The following RPH3A variants were observed in gnomAD, a reference collection of about 807,000 sequenced individuals.
The protein encoded by RPH3A is rabphilin-3A.
Under a neutral mutation model 102.2 loss-of-function variants are expected in RPH3A, and 48 were observed. That is an observed-to-expected ratio of 0.47 (90% CI 0.37 to 0.60). The LOEUF (loss-of-function observed/expected upper bound fraction) is 0.60. Ranked by LOEUF, RPH3A falls within the 20% of genes least tolerant of loss-of-function variation. The pLI, the probability that RPH3A is intolerant of heterozygous loss-of-function variation, is 0.00. For missense variants in RPH3A, 781 were observed against 910.1 expected (o/e 0.86, Z 1.83); for synonymous variants, 310 against 324.3 (o/e 0.96, Z 0.47).
chr12:112,615,406 T>G (rs917468393), intron 1 of RPH3A, among the ~76,000 whole-genome samples: 4 of 152,200 alleles, frequency 2.6e-5, no homozygotes, highest in African/African-American at 9.6e-5. Context: ...CTCCTGGCAC[T>G]TGGCTCCAGC....
chr12:112,837,917 C>G, intron 4 of RPH3A: 1 of 436,058 alleles, frequency 2.3e-6, no homozygotes, highest in Non-Finnish European at 4.6e-6. Context: ...CTTCCTCCCT[C>G]CCTTCCTCTA....
At chr12:112,799,036 C>T (rs1387543765) in intron 2 of RPH3A, among the ~76,000 whole-genome samples, 8 of 152,204 alleles carry the variant, frequency 5.3e-5, no homozygotes, top group South Asian at 2.1e-4. Flanking sequence ...GGGTCACCAA[C>T]CATTCAGCTT....
intron 1 of RPH3A, among the ~76,000 whole-genome samples, chr12:112,752,690 A>AT (rs1173704920): frequency 6.6e-6 from 1 of 151,350 alleles, no homozygotes; most frequent in Non-Finnish European, 1.5e-5. Flanking sequence ...GTATACATAT[A>AT]TTTTTCTATT....
intron 8 of RPH3A, chr12:112,869,209 G>A (rs929745751): frequency 6.5e-6 from 1 of 154,440 alleles, no homozygotes; most frequent in African/African-American, 2.4e-5. Flanking sequence ...ACCAGATAAA[G>A]CCCTTGCAAT....
intron 1 of RPH3A, among the ~76,000 whole-genome samples, chr12:112,743,687 T>C (rs1054484014): frequency 1.3e-5 from 2 of 152,120 alleles, no homozygotes; most frequent in African/African-American, 4.8e-5. Flanking sequence ...GGGTTTTTTT[T>C]TCCCCCCAAG....
At chr12:112,636,056 TC>T (rs2039846820) in intron 1 of RPH3A, among the ~76,000 whole-genome samples, 1 of 152,188 alleles carries the variant, frequency 6.6e-6, no homozygotes, top group African/African-American at 2.4e-5. Flanking sequence ...CTTATTTCTC[TC>T]TAATATAGCA....
chr12:112,881,747 A>C, intron 14 of RPH3A, 25 bp from the exon 15 acceptor site: 1 of 1,583,804 alleles, frequency 6.3e-7, no homozygotes, highest in African/African-American at 1.3e-5. Context: ...TGAGGCCCTC[A>C]CACCATTGCC....
At chr12:112,719,680 A>G (rs2040538816) in intron 1 of RPH3A, among the ~76,000 whole-genome samples, 1 of 152,224 alleles carries the variant, frequency 6.6e-6, no homozygotes, top group Non-Finnish European at 1.5e-5. Context: ...GGATAGGCAT[A>G]CAAGAATGGC....
Position 112,749,136 on chromosome 12 carries a change from T to G in RPH3A, c.-139-43007T>G, listed in dbSNP as rs369479236. Among the ~76,000 whole-genome samples, 16 of 152,328 alleles carry G rather than the reference T, an allele frequency of 1.1e-4. No individual in the cohort carries two copies. In the East Asian group the frequency reaches 3.1e-3, roughly 29 times the overall value. On this transcript the variant is annotated intron_variant, in intron 1 of 21. Coordinates refer to the RPH3A transcript ENST00000543106. ...TGTGCATTATCTCAAGAATTTCAGC[T>G]TTTTCTAGAGTCAGGAGAGAGAGAG...
chr12:112,710,810 C>T (rs1449730446), intron 1 of RPH3A, among the ~76,000 whole-genome samples: 2 of 152,108 alleles, frequency 1.3e-5, no homozygotes, highest in African/African-American at 2.4e-5. Context: ...CTTTCTTTTC[C>T]GTTTCTGTGT....
At chr12:112,679,075 T>C (rs988259574) in intron 1 of RPH3A, among the ~76,000 whole-genome samples, 1 of 152,138 alleles carries the variant, frequency 6.6e-6, no homozygotes, top group African/African-American at 2.4e-5. Flanking sequence ...ACTCGCCCTG[T>C]GTGTCTGTTC....
intron 1 of RPH3A, among the ~76,000 whole-genome samples, chr12:112,584,219 C>T (rs971439924): frequency 6.7e-6 from 1 of 150,342 alleles, no homozygotes; most frequent in African/African-American, 2.5e-5. Flanking sequence ...TTTGGGGTCT[C>T]TTTGGGAATG....
chr12:112,676,705 TG>T (rs2040177296), intron 1 of RPH3A, among the ~76,000 whole-genome samples: 1 of 152,180 alleles, frequency 6.6e-6, no homozygotes, highest in Admixed American at 6.5e-5. Flanking sequence ...GGTACTCTAA[TG>T]GCTTGGAGAA....
In RPH3A at chr12:112,724,829, C is replaced by T. The variant is rs564176275; in HGVS notation, c.-139-67314C>T. Among the ~76,000 whole-genome samples, 105 of 152,108 alleles carry T rather than the reference C, an allele frequency of 6.9e-4. 3 individuals carry two copies. The South Asian group carries it at 0.021, about 30-fold the overall frequency. On this transcript the variant is annotated intron_variant, in intron 1 of 21. Coordinates refer to the RPH3A transcript ENST00000543106. ...ACTAAAAATACAAAAATTAGCCAGG[C>T]GTGGTGACACACGCCTGTAGTCCCA... is the stretch of plus-strand genomic sequence containing the variant.
At chr12:112,794,870 C>T (rs1422923172) in intron 2 of RPH3A, among the ~76,000 whole-genome samples, 1 of 152,212 alleles carries the variant, frequency 6.6e-6, no homozygotes, top group African/African-American at 2.4e-5. Flanking sequence ...GCCTGAGGTA[C>T]AGAGGAAGGA....
chr12:112,748,141 A>G (rs1158082026), intron 1 of RPH3A, among the ~76,000 whole-genome samples: 1 of 152,202 alleles, frequency 6.6e-6, no homozygotes, highest in Non-Finnish European at 1.5e-5. Context: ...GGGTGCCTGC[A>G]TGAATTGCTC....
chr12:112,814,174 G>A (rs550175419), intron 2 of RPH3A, among the ~76,000 whole-genome samples: 37 of 152,004 alleles, frequency 2.4e-4, no homozygotes, highest in African/African-American at 8.9e-4. Context: ...AAGATAAGAA[G>A]AGCCCTTTCC....
At chr12:112,693,815 A>G (rs2040325493) in intron 1 of RPH3A, among the ~76,000 whole-genome samples, 1 of 152,162 alleles carries the variant, frequency 6.6e-6, no homozygotes, top group Non-Finnish European at 1.5e-5. Context: ...CATTGTGCCT[A>G]TTTATTGACT....
Position 112,897,157 on chromosome 12 carries a change from CA to C in RPH3A, c.*378del. On this transcript the variant is annotated 3_prime_UTR_variant, in exon 22 of 22. Coordinates refer to ENST00000389385, the MANE Select transcript of RPH3A (RefSeq NM_001143854.2). The stretch of plus-strand genomic sequence containing the variant: ...GAACACACACATGTACACACACACA[CA>C]CACACACACACACACACCCTTTCAT... The C allele has an allele frequency of 1.0e-5, 2 of 192,880 alleles. No individual in the cohort carries two copies. Among genetic ancestry groups the C allele is most frequent in the East Asian group, 2.4e-4 (2 of 8,388 alleles). The allele number at this position is 192,880 out of a possible 1,614,324, so 11.9% of individuals were successfully genotyped here.
Sources: allele counts gnomAD v4.1 joint callset (sites outside exome capture counted in the v4.1 genomes callset), GRCh38; gene constraint gnomAD v4.1.1; transcripts MANE v1.5; gene names NCBI Gene and HGNC (gene_info 2026-07-23, HGNC 2026-07-21).